Variants in ATAD1 observed in about 807,000 individuals in gnomAD.
ATAD1 encodes the protein ATPase family AAA domain containing 1.
ATAD1 carries 18 observed loss-of-function variants against 42.7 expected under a neutral mutation model. That is an observed-to-expected ratio of 0.42 (90% CI 0.29 to 0.63). The LOEUF (loss-of-function observed/expected upper bound fraction) is 0.63, where lower values mean the gene tolerates loss of function less well. Among genes scored for constraint, ATAD1 ranks in the 20% least tolerant of loss-of-function variants. The pLI, the probability that ATAD1 is intolerant of heterozygous loss-of-function variation, is 0.19. For missense variants in ATAD1, 294 were observed against 440.4 expected (o/e 0.67, Z 2.98); for synonymous variants, 132 against 143.1 (o/e 0.92, Z 0.55).
At chr10:87,760,382 G>C (rs1244068979) in intron 8 of ATAD1, among the ~76,000 whole-genome samples, 1 of 152,120 alleles carries the variant, frequency 6.6e-6, no homozygotes, top group African/African-American at 2.4e-5. Flanking sequence ...TCCCACTCCT[G>C]CTCTGCCATG....
chr10:87,836,675 C>T (rs1857935547), intron 1 of ATAD1, among the ~76,000 whole-genome samples: 1 of 152,132 alleles, frequency 6.6e-6, no homozygotes, highest in Non-Finnish European at 1.5e-5. Context: ...TGGTTATACC[C>T]TGTTTGGTGT....
intron 6 of ATAD1, among the ~76,000 whole-genome samples, chr10:87,771,797 A>G (rs753599391): frequency 6.6e-6 from 1 of 152,168 alleles, no homozygotes; most frequent in Non-Finnish European, 1.5e-5. Context: ...GAATAAAAAC[A>G]AAGATATATA....
intron 8 of ATAD1, among the ~76,000 whole-genome samples, chr10:87,761,095 C>G (rs1854463588): frequency 6.6e-6 from 1 of 151,774 alleles, no homozygotes; most frequent in South Asian, 2.1e-4. Context: ...AACAAAAAAC[C>G]CTTATTTAGC....
intron 1 of ATAD1, 151 bp downstream of exon 1, chr10:87,818,016 C>T: frequency 1.0e-6 from 1 of 985,710 alleles, no homozygotes; most frequent in Non-Finnish European, 1.2e-6. Context: ...CTAAGGGCTG[C>T]GGGGCGCTTG....
rs116373546 is a variant in ATAD1 at position 87,778,347 on chromosome 10, T to C, written c.584-1920A>G. On this transcript the variant is annotated intron_variant, in intron 5 of 9. Transcript: ENST00000680024. ...ATACTATAAATATAAGGACTCGGAATGATCAAAAAATAGAAAATGACACAG... is the reference window on the plus strand; with the variant it reads ...ATACTATAAATATAAGGACTCGGAACGATCAAAAAATAGAAAATGACACAG... 4.5e-3 allele frequency among the ~76,000 whole-genome samples: 690 copies of C among 151,986 alleles called. 5 individuals carry two copies. The highest frequency in any genetic ancestry group is 0.016 in the African/African-American group (664 of 41,474).
intron 1 of ATAD1, chr10:87,841,165 T>G (rs1372635024): frequency 6.6e-6 from 1 of 152,176 alleles, no homozygotes; most frequent in African/African-American, 2.4e-5. Context: ...ATATGAAGTT[T>G]TGATTCTAAG....
chr10:87,787,990 A>AT (rs1449264566), intron 4 of ATAD1, among the ~76,000 whole-genome samples: 21 of 152,228 alleles, frequency 1.4e-4, no homozygotes, highest in Admixed American at 7.2e-4. Context: ...GCCATATGGT[A>AT]TTCAGATGGA....
chr10:87,778,001 T>C (rs1855385465), intron 5 of ATAD1, among the ~76,000 whole-genome samples: 1 of 152,052 alleles, frequency 6.6e-6, no homozygotes, highest in African/African-American at 2.4e-5. Context: ...TTTTTAAAGA[T>C]AAATTTTAAA....
chr10:87,766,817 AAAAG>A, intron 8 of ATAD1, among the ~76,000 whole-genome samples: 1 of 152,090 alleles, frequency 6.6e-6, no homozygotes, highest in East Asian at 1.9e-4. Flanking sequence ...CTTCAAAAAA[AAAAG>A]AAAGAAAAGA....
rs1855276937 is a variant in ATAD1, at chr10:87,775,768, G to A, written c.690+553C>T. On this transcript the variant is annotated intron_variant, in intron 6 of 9. Coordinates refer to ENST00000680024, the MANE Select transcript of ATAD1 (RefSeq NM_001321967.2). ...AAGCTATGGTTTCACAGCCATACAG[G>A]AGGAAGAGGAAAAGCCTAGGATACA... Among the ~76,000 whole-genome samples, 3 of 152,152 alleles carry A rather than the reference G, an allele frequency of 2.0e-5. No individual in the cohort carries two copies. In the South Asian group the frequency reaches 6.2e-4, roughly 32 times the overall value.
intron 1 of ATAD1, among the ~76,000 whole-genome samples, chr10:87,837,737 G>A (rs1002291644): frequency 6.6e-6 from 1 of 152,150 alleles, no homozygotes; most frequent in Non-Finnish European, 1.5e-5. Context: ...AGCAGTGGAA[G>A]GACAGAGAAG....
chr10:87,752,754 C>T lies in ATAD1; in HGVS notation c.*1933G>A, dbSNP rs1232381195. 6.6e-6 allele frequency: 1 copy of T among 152,106 alleles called. No homozygotes were observed. Among genetic ancestry groups the T allele is most frequent in the African/African-American group, 2.4e-5 (1 of 41,420 alleles). 9.4% of individuals were successfully genotyped at this position (152,106 alleles called of 1,614,324 possible). On this transcript the variant is annotated 3_prime_UTR_variant, in exon 10 of 10. Transcript: ENST00000680024. ...TTCCTGAATTACTTTATGGTCTTAA[C>T]ATGCCTAGATGAGTCATAGTTGCTG...
At chr10:87,834,874 T>A (rs567216268) in intron 1 of ATAD1, among the ~76,000 whole-genome samples, 1 of 152,130 alleles carries the variant, frequency 6.6e-6, no homozygotes, top group East Asian at 1.9e-4. Flanking sequence ...ACTTTCTTCT[T>A]TTTTAATGTC....
chr10:87,756,603 G>A (rs1464768341), intron 9 of ATAD1, among the ~76,000 whole-genome samples, 186 bp downstream of exon 9: 1 of 151,952 alleles, frequency 6.6e-6, no homozygotes, highest in African/African-American at 2.4e-5. Flanking sequence ...CCACAATTCT[G>A]CCCTCCTTCA....
chr10:87,810,710 A>G (rs868381148), intron 2 of ATAD1, among the ~76,000 whole-genome samples: 2 of 152,176 alleles, frequency 1.3e-5, no homozygotes, highest in Non-Finnish European at 1.5e-5. Context: ...TTCTGAATCT[A>G]TATTTTAGAT....
intron 3 of ATAD1, among the ~76,000 whole-genome samples, chr10:87,790,916 C>T (rs539060130): frequency 2.6e-5 from 4 of 151,034 alleles, no homozygotes; most frequent in East Asian, 2.0e-4. Context: ...CAGGCGTGGT[C>T]GCTCACGCCT....
At chr10:87,806,205 A>T (rs550211795) in intron 2 of ATAD1, among the ~76,000 whole-genome samples, 1 of 152,234 alleles carries the variant, frequency 6.6e-6, no homozygotes, top group East Asian at 1.9e-4. Context: ...TGTACTTCAG[A>T]TGTATTCATG....
At chr10:87,776,076 T>C (rs1315535685) in intron 6 of ATAD1, among the ~76,000 whole-genome samples, 1 of 152,346 alleles carries the variant, frequency 6.6e-6, no homozygotes, top group Non-Finnish European at 1.5e-5. Flanking sequence ...TTTACTCTGG[T>C]GTTTTCTCTT....
intron 1 of ATAD1, among the ~76,000 whole-genome samples, chr10:87,825,276 G>A (rs1179462937): frequency 6.6e-6 from 1 of 150,388 alleles, no homozygotes; most frequent in East Asian, 1.9e-4. Flanking sequence ...TCAATACTTT[G>A]CATGTCTTAT....
Sources: allele counts gnomAD v4.1 joint callset (sites outside exome capture counted in the v4.1 genomes callset), GRCh38; gene constraint gnomAD v4.1.1; transcripts MANE v1.5; gene names NCBI Gene and HGNC (gene_info 2026-07-23, HGNC 2026-07-21).